The following IQCN variants were observed in gnomAD, a reference collection of about 807,000 sequenced individuals.
IQCN encodes the protein IQ domain-containing protein N.
Under a neutral mutation model 64.4 loss-of-function variants are expected in IQCN, and 46 were observed. The observed-to-expected ratio is 0.71, with a 90% CI of 0.56 to 0.91. IQCN has a LOEUF of 0.91. IQCN is among the 40% of genes least tolerant of loss of function. The pLI is 0.00. For synonymous variants in IQCN, 733 were observed against 775.6 expected (o/e 0.95, Z 0.91); for missense variants, 1,753 against 1,857.4 (o/e 0.94, Z 1.03).
At chr19:18,270,643 A>G (rs1450453628) in intron 1 of IQCN, among the ~76,000 whole-genome samples, 1 of 151,958 alleles carries the variant, frequency 6.6e-6, no homozygotes, top group African/African-American at 2.4e-5. Flanking sequence ...TGAGCGACAG[A>G]ATGAGACCCT....
At position 18,267,182 on chromosome 19, in the gene IQCN, G is replaced by A. The variant is rs771463463; in HGVS notation, c.358C>T (p.Arg120Trp). The A allele has an allele frequency of 1.7e-5, 28 of 1,614,136 alleles. No homozygotes were observed. The highest frequency in any genetic ancestry group is 1.6e-4 in the Middle Eastern group (1 of 6,084). The change falls in exon 3 of 4, where the codon CGG (arginine) becomes TGG (tryptophan). Residue 120 changes from arginine to tryptophan, a missense_variant. Transcript: ENST00000392413. ...ATCATCTGGGAAATCAGCTTCTGCC[G>A]GAGCCAATAGCCCCTCCAGTTGGCT... is the stretch of plus-strand genomic sequence containing the variant. Reference protein sequence around the residue: ...IQANWRGYWLRQKLISQMMAA... With the variant: ...IQANWRGYWLWQKLISQMMAA...
At chr19:18,269,399 G>T in intron 2 of IQCN, 67 bp downstream of exon 2, 2 of 1,534,462 alleles carry the variant, frequency 1.3e-6, no homozygotes, top group Non-Finnish European at 1.8e-6. Context: ...CAGCACACTT[G>T]TTTGGCAGAA....
At chr19:18,273,965 T>A (rs930367795) in intron 1 of IQCN, among the ~76,000 whole-genome samples, 15 of 152,072 alleles carry the variant, frequency 9.9e-5, no homozygotes. Context: ...CATCCTCAGG[T>A]TGCCAAAGAG....
At position 18,264,792 on chromosome 19, in the gene IQCN, G is replaced by A. The variant is rs367754589; in HGVS notation, c.2748C>T (p.Ser916=). ...TGACAGTGGCACCCAGGACCTCCTT[G>A]GACAGGGCCTGGTTCAGAGCTGCCC... ...EVWAALNQAL[S]KEVLGATVTK... The change falls in exon 3 of 4, where the codon TCC becomes TCT. Residue 916 remains serine, a synonymous_variant. Transcript: ENST00000392413. The surrounding 1 kb of genome is among the most constrained non-coding windows in gnomAD (Gnocchi z 4.3). 4.6e-5 allele frequency: 72 copies of A among 1,552,338 alleles called. No homozygotes were observed. The highest frequency in any genetic ancestry group is 6.2e-5 in the Non-Finnish European group (71 of 1,147,588).
chr19:18,261,830 T>C (rs577298680), intron 3 of IQCN: 1 of 155,162 alleles, frequency 6.4e-6, no homozygotes, highest in East Asian at 1.9e-4. Context: ...TGGGCTGAAA[T>C]GGGTAGCCTG....
rs1161341098 is a variant in IQCN, at chr19:18,267,105, G to T, written c.435C>A (p.Ile145=). The change falls in exon 3 of 4, where the codon ATC becomes ATA. Residue 145 remains isoleucine (I), a synonymous_variant. Transcript: ENST00000392413. ...TTACCAACGACTTGCTGGAGTGAAG[G>T]ATGTGTCTCTTGTTGAAGCGCCGCC... ...EAWRRFNKRH[I]LHSSKSLVKK... The T allele has an allele frequency of 1.8e-5, 29 of 1,614,118 alleles. No individual in the cohort carries two copies. The highest frequency in any genetic ancestry group is 2.3e-5 in the Non-Finnish European group (27 of 1,180,052).
intron 1 of IQCN, among the ~76,000 whole-genome samples, chr19:18,270,764 T>C (rs950017939): frequency 1.1e-4 from 17 of 150,546 alleles, no homozygotes; most frequent in Admixed American, 6.0e-4. Flanking sequence ...GTGATTCTTG[T>C]GCCTCAGTCT....
intron 3 of IQCN, chr19:18,260,141 A>G (rs1969393167): frequency 6.6e-6 from 1 of 152,546 alleles, no homozygotes; most frequent in African/African-American, 2.4e-5. Flanking sequence ...TTGAAACACT[A>G]ACCACAGAGG....
chr19:18,266,421 T>C lies in IQCN; in HGVS notation c.1119A>G (p.Thr373=). ...ACATCTGGGCTGGGGTCTTGATTAT[T>C]GTTACTTTGGGAACTGGGCTAGTCT... The part of the protein sequence containing the change: ...PPKTSPVPKV[T]IIKTPAQMYP... Residue 373 remains threonine, a synonymous_variant, in exon 3 of 4, where the codon ACA becomes ACG. Coordinates refer to ENST00000392413, the MANE Select transcript of IQCN (RefSeq NM_001145304.2). The surrounding 1 kb of genome is among the most constrained non-coding windows in gnomAD (Gnocchi z 4.3). The C allele has an allele frequency of 6.3e-7, 1 of 1,587,400 alleles. No homozygotes were observed. The highest frequency in any genetic ancestry group is 8.6e-7 in the Non-Finnish European group (1 of 1,167,374).
chr19:18,265,039 G>C lies in IQCN; in HGVS notation c.2501C>G (p.Pro834Arg), dbSNP rs377401094. 1.1e-5 allele frequency: 17 copies of C among 1,601,176 alleles called. No homozygotes were observed. Among genetic ancestry groups the C allele is most frequent in the Non-Finnish European group, 1.2e-5 (14 of 1,179,808 alleles). Residue 834 changes from proline (P) to arginine (R), a missense_variant, in exon 3 of 4, where the codon CCG becomes CGG. Pro to Arg is a moderately radical substitution (Grantham distance 103). Coordinates refer to ENST00000392413, the MANE Select transcript of IQCN (RefSeq NM_001145304.2). The surrounding 1 kb of genome is among the most constrained non-coding windows in gnomAD (Gnocchi z 4.7). ...AACEVQGMLVPPMAPTGHSTC... is the reference protein window; with the variant it reads ...AACEVQGMLVRPMAPTGHSTC... ...GGAATGGCCGGTGGGTGCCATCGGC[G>C]GCACCAGCATACCCTGGACCTCACA...
Position 18,257,892 on chromosome 19 carries a change from C to T in IQCN, c.3392G>A (p.Arg1131His), listed in dbSNP as rs200997372. The T allele has an allele frequency of 2.7e-5, 44 of 1,612,444 alleles. No homozygotes were observed. Among genetic ancestry groups the T allele is most frequent in the Admixed American group, 6.7e-5 (4 of 60,004 alleles). Residue 1131 changes from arginine to histidine, a missense_variant, in exon 4 of 4, where the codon CGC becomes CAC. Transcript: ENST00000392413. ...CCCCCGGTGCCACAGCCGGATCCTGCGACGCGCCAGGTAGCCACGGACGCC... is the reference window on the plus strand; with the variant it reads ...CCCCCGGTGCCACAGCCGGATCCTGTGACGCGCCAGGTAGCCACGGACGCC... ...QAGVRGYLAR[R>H]RIRLWHRGAM...
chr19:18,271,214 A>G (rs141807188), intron 1 of IQCN, among the ~76,000 whole-genome samples: 7,705 of 148,698 alleles, frequency 0.052, 694 homozygotes, highest in African/African-American at 0.18. Flanking sequence ...TCACGCCTGT[A>G]ATCCCAGTGC....
intron 1 of IQCN, among the ~76,000 whole-genome samples, chr19:18,270,665 G>GTT (rs1382650738): frequency 1.3e-5 from 2 of 151,374 alleles, no homozygotes; most frequent in African/African-American, 4.9e-5. Flanking sequence ...TCTCTTTTTT[G>GTT]TTTTTAAAAC....
At chr19:18,272,978 T>G (rs1274183816) in intron 1 of IQCN, among the ~76,000 whole-genome samples, 1 of 152,020 alleles carries the variant, frequency 6.6e-6, no homozygotes, top group Non-Finnish European at 1.5e-5. Flanking sequence ...ATTGAAAGGG[T>G]CCATTCGGAG....
intron 3 of IQCN, chr19:18,260,844 G>T (rs1969411155): frequency 6.5e-6 from 1 of 152,854 alleles, no homozygotes; most frequent in African/African-American, 2.4e-5. Flanking sequence ...CACCACACAG[G>T]TCATAGGTTG....
chr19:18,269,717 G>T, intron 1 of IQCN, 130 bp from the exon 2 acceptor site: 1 of 497,618 alleles, frequency 2.0e-6, no homozygotes, highest in South Asian at 2.8e-5. Context: ...TTATTCCAGT[G>T]TTATTTTGTA....
At chr19:18,270,412 C>A (rs2148111794) in intron 1 of IQCN, among the ~76,000 whole-genome samples, 1 of 150,964 alleles carries the variant, frequency 6.6e-6, no homozygotes, top group East Asian at 1.9e-4. Flanking sequence ...GTAACCCCAG[C>A]AATTTGGAAG....
At chr19:18,261,522 T>C (rs1366696929) in intron 3 of IQCN, 1 of 85,422 alleles carries the variant, frequency 1.2e-5, no homozygotes, top group Non-Finnish European at 2.6e-5. Context: ...CTGAGATGGG[T>C]AGGCTGGGCT....
chr19:18,269,397 T>A, intron 2 of IQCN, 69 bp downstream of exon 2: 1 of 1,522,492 alleles, frequency 6.6e-7, no homozygotes. Flanking sequence ...CACAGCACAC[T>A]TGTTTGGCAG....
Sources: allele counts gnomAD v4.1 joint callset (sites outside exome capture counted in the v4.1 genomes callset), GRCh38; gene constraint gnomAD v4.1.1; non-coding constraint Gnocchi (gnomAD v3.1); transcripts MANE v1.5; gene names NCBI Gene and HGNC (gene_info 2026-07-23, HGNC 2026-07-21).